Variants in HS3ST2 observed in about 807,000 individuals in gnomAD.
HS3ST2 encodes heparan sulfate-glucosamine 3-sulfotransferase 2.
HS3ST2 carries 17 observed loss-of-function variants against 26.3 expected under a neutral mutation model. The ratio of observed to expected loss-of-function variants is 0.65; its 90% CI spans 0.44 to 0.97. The LOEUF (loss-of-function observed/expected upper bound fraction) is 0.97. HS3ST2 is among the 50% of genes least tolerant of loss of function. The probability of loss-of-function intolerance (pLI) is 0.00; values close to 1 mark genes in which losing one functional copy is unlikely to be tolerated. For synonymous variants in HS3ST2, 237 were observed against 219.2 expected (o/e 1.08, Z -0.72); for missense variants, 402 against 501.2 (o/e 0.80, Z 1.89).
intron 1 of HS3ST2, among the ~76,000 whole-genome samples, chr16:22,878,624 T>G (rs1901949804): frequency 6.6e-6 from 1 of 151,688 alleles, no homozygotes; most frequent in Non-Finnish European, 1.5e-5. Context: ...AAAAAAGAAA[T>G]AAATACATTA....
intron 1 of HS3ST2, among the ~76,000 whole-genome samples, chr16:22,849,926 G>C (rs1901495015): frequency 6.6e-6 from 1 of 152,176 alleles, no homozygotes; most frequent in Non-Finnish European, 1.5e-5. Flanking sequence ...ATCCTGAAGG[G>C]ATAACTGTAG....
chr16:22,864,882 C>CAAAAA (rs34942780), intron 1 of HS3ST2, among the ~76,000 whole-genome samples: 5 of 57,170 alleles, frequency 8.7e-5, no homozygotes, highest in East Asian at 4.5e-4. Flanking sequence ...CCTGTCTCCA[C>CAAAAA]AAAAAAAAAA....
Position 22,915,402 on chromosome 16 carries a change from A to G in HS3ST2, c.944A>G (p.Lys315Arg), listed in dbSNP as rs1902480530. ...FNKTKGFPCL[K>R]KTESSLLPRC... is the part of the protein sequence containing the mutation. ...AAGACCAAAGGATTCCCTTGCTTGA[A>G]AAAAACAGAATCGAGCCTCCTGCCT... The change falls in exon 2 of 2, where the codon AAA (lysine) becomes AGA (arginine). Residue 315 changes from lysine (K) to arginine (R), a missense_variant. Physicochemically the swap from Lys to Arg is conservative, Grantham distance 26. Coordinates refer to ENST00000261374, the MANE Select transcript of HS3ST2 (RefSeq NM_006043.2). The G allele has an allele frequency of 3.7e-6, 6 of 1,614,218 alleles. No individual in the cohort carries two copies. The highest frequency in any genetic ancestry group is 5.1e-6 in the Non-Finnish European group (6 of 1,180,034).
Position 22,828,368 on chromosome 16 carries a change from C to T in HS3ST2, c.485+13273C>T, listed in dbSNP as rs1596605836. Among the ~76,000 whole-genome samples, 3 of 152,276 alleles carry T rather than the reference C, an allele frequency of 2.0e-5. No individual in the cohort carries two copies. In the East Asian group the frequency reaches 5.8e-4, roughly 29 times the overall value. On this transcript the variant is annotated intron_variant, in intron 1 of 1. Transcript: ENST00000261374. Reference sequence around the variant, plus strand: ...ACCCTGCTGCTCATTCTTGTTCCAGCCTCATCAGCATGTATGGGGAGGTGG... The same window carrying T: ...ACCCTGCTGCTCATTCTTGTTCCAGTCTCATCAGCATGTATGGGGAGGTGG...
chr16:22,865,255 C>CA (rs1348320349), intron 1 of HS3ST2, among the ~76,000 whole-genome samples: 1 of 151,316 alleles, frequency 6.6e-6, no homozygotes, highest in Non-Finnish European at 1.5e-5. Flanking sequence ...AAATAATGTC[C>CA]AAAAAAAAGT....
chr16:22,914,589 C>T (rs979003802), intron 1 of HS3ST2, among the ~76,000 whole-genome samples: 6 of 148,968 alleles, frequency 4.0e-5, no homozygotes, highest in African/African-American at 1.5e-4. Context: ...CCTGTAGTCC[C>T]AGCTACTTGG....
chr16:22,877,865 G>A (rs2519974), intron 1 of HS3ST2, among the ~76,000 whole-genome samples: 49,797 of 152,102 alleles, frequency 0.33, 9,088 homozygotes, highest in East Asian at 0.41. Flanking sequence ...AGGTATTCAG[G>A]AGGCAGAGAG....
At chr16:22,855,270 A>G (rs796705812) in intron 1 of HS3ST2, among the ~76,000 whole-genome samples, 9 of 152,180 alleles carry the variant, frequency 5.9e-5, no homozygotes, top group African/African-American at 2.2e-4. Flanking sequence ...TTCTTCTAGT[A>G]GTTTCCCCCA....
At chr16:22,827,027 G>T (rs1901097092) in intron 1 of HS3ST2, among the ~76,000 whole-genome samples, 1 of 152,186 alleles carries the variant, frequency 6.6e-6, no homozygotes, top group African/African-American at 2.4e-5. Flanking sequence ...GTCTGGGAGG[G>T]TGTTGCAGTT....
chr16:22,833,225 C>T (rs1254884712), intron 1 of HS3ST2: 2 of 455,964 alleles, frequency 4.4e-6, no homozygotes, highest in Non-Finnish European at 8.8e-6. Flanking sequence ...TGCATTCTTC[C>T]ATAACCCCCA....
intron 1 of HS3ST2, among the ~76,000 whole-genome samples, chr16:22,830,418 C>A (rs1901151911): frequency 6.6e-6 from 1 of 152,108 alleles, no homozygotes; most frequent in Non-Finnish European, 1.5e-5. Context: ...CAGGGGTGCA[C>A]CATAAAGATC....
intron 1 of HS3ST2, among the ~76,000 whole-genome samples, chr16:22,883,893 G>C (rs1205923720): frequency 1.3e-5 from 2 of 152,172 alleles, no homozygotes; most frequent in Non-Finnish European, 2.9e-5. Flanking sequence ...AACCCACCCA[G>C]CCAGCCACAG....
chr16:22,828,477 C>T (rs567672508), intron 1 of HS3ST2, among the ~76,000 whole-genome samples: 5 of 152,322 alleles, frequency 3.3e-5, no homozygotes, highest in South Asian at 2.1e-4. Flanking sequence ...CACCTTCCTG[C>T]GAGATAGTCA....
In HS3ST2 at chr16:22,915,384, A is replaced by G; in HGVS notation, c.926A>G (p.Lys309Arg). The G allele has an allele frequency of 6.2e-7, 1 of 1,614,138 alleles. No individual in the cohort carries two copies. ...AAGCACTTCTATTTCAACAAGACCA[A>G]AGGATTCCCTTGCTTGAAAAAAACA... ...TDKHFYFNKT[K>R]GFPCLKKTES... The change falls in exon 2 of 2, where the codon AAA (lysine) becomes AGA (arginine). Residue 309 changes from lysine to arginine, a missense_variant. Lys to Arg is a conservative substitution (Grantham distance 26). Around this residue, in one of 2 missense-constraint regions of HS3ST2, gnomAD observed 237 missense variants for 346.6 expected, o/e 0.68. Coordinates refer to ENST00000261374, the MANE Select transcript of HS3ST2 (RefSeq NM_006043.2).
chr16:22,877,132 C>CA (rs371358853), intron 1 of HS3ST2, among the ~76,000 whole-genome samples: 97 of 151,912 alleles, frequency 6.4e-4, no homozygotes, highest in African/African-American at 7.5e-4. Context: ...TATTGAAATA[C>CA]AAAAAAAATG....
intron 1 of HS3ST2, among the ~76,000 whole-genome samples, chr16:22,905,792 C>T (rs1041985044): frequency 3.9e-5 from 6 of 152,100 alleles, no homozygotes; most frequent in African/African-American, 1.4e-4. Flanking sequence ...AATGAGTGTG[C>T]CCCTGTTACT....
intron 1 of HS3ST2, among the ~76,000 whole-genome samples, chr16:22,830,818 A>G (rs1427866960): frequency 1.3e-5 from 2 of 152,160 alleles, no homozygotes; most frequent in Admixed American, 6.5e-5. Flanking sequence ...TTTTGGACAT[A>G]TTTACAAATA....
At chr16:22,914,106 C>T (rs1326842416) in intron 1 of HS3ST2, among the ~76,000 whole-genome samples, 1 of 151,614 alleles carries the variant, frequency 6.6e-6, no homozygotes, top group Admixed American at 6.6e-5. Context: ...CTCTGCACTG[C>T]ACCTTGGGAG....
At chr16:22,819,851 C>G (rs948098016) in intron 1 of HS3ST2, among the ~76,000 whole-genome samples, 1 of 152,226 alleles carries the variant, frequency 6.6e-6, no homozygotes, top group East Asian at 1.9e-4. Flanking sequence ...AAATCATATT[C>G]TAATTGCAAA....
Sources: gnomAD v4.1 joint callset for allele counts (sites outside exome capture counted in the v4.1 genomes callset) on GRCh38, gnomAD v4.1.1 for gene constraint, gnomAD v4.1.1 regional missense constraint, MANE v1.5 for transcripts, NCBI Gene and HGNC (gene_info 2026-07-23, HGNC 2026-07-21) for gene names.